Variants in XKR6 observed in about 807,000 individuals in gnomAD.
XKR6 encodes XK related 6.
XKR6 carries 22 observed loss-of-function variants against 56.7 expected under a neutral mutation model. That is an observed-to-expected ratio of 0.39 (90% CI 0.28 to 0.55). The LOEUF (loss-of-function observed/expected upper bound fraction) is 0.55, where lower values mean the gene tolerates loss of function less well. Among genes scored for constraint, XKR6 ranks in the 20% least tolerant of loss-of-function variants. The pLI is 0.66. For missense variants in XKR6, 852 were observed against 889.0 expected, an observed-to-expected ratio of 0.96 and a Z score of 0.53; for synonymous variants, 524 against 387.8, an observed-to-expected ratio of 1.35 and a Z score of -4.13.
At chr8:11,103,653 T>G (rs1315266365) in intron 1 of XKR6, among the ~76,000 whole-genome samples, 1 of 152,194 alleles carries the variant, frequency 6.6e-6, no homozygotes, top group Non-Finnish European at 1.5e-5. Flanking sequence ...GGAGAACTTC[T>G]GAGATACTAT....
Position 11,114,727 on chromosome 8 carries a change from ATGTGTGTGTGTGTGTGTGTGTG to A in XKR6, c.764+85827_764+85848del, listed in dbSNP as rs58011023. Among the ~76,000 whole-genome samples the A allele has an allele frequency of 6.8e-5, 8 of 118,490 alleles. No homozygotes were observed. The East Asian group carries it at 1.1e-3, about 16-fold the overall frequency. The allele number at this position is 118,490 out of a possible 152,430, so 77.7% of individuals were successfully genotyped here. On this transcript the variant is annotated intron_variant, in intron 1 of 2. Transcript: ENST00000416569. ...ATGAAGTCAGCTACTTAGATCACAT[ATGTGTGTGTGTGTGTGTGTGTG>A]TGTGTGTGTGTGTGTGTGTGTGTGT...
At chr8:11,100,920 T>G (rs113087787) in intron 1 of XKR6, among the ~76,000 whole-genome samples, 171 of 152,314 alleles carry the variant, frequency 1.1e-3, no homozygotes, top group South Asian at 4.8e-3. Context: ...GGGCATGCAC[T>G]TTATGGGCAG....
At chr8:11,032,582 G>A (rs571828196) in intron 1 of XKR6, among the ~76,000 whole-genome samples, 3 of 152,188 alleles carry the variant, frequency 2.0e-5, no homozygotes, top group Admixed American at 6.5e-5. Context: ...CACAAGGCAG[G>A]GCTGTAATAG....
At chr8:11,191,321 T>C (rs1803561646) in intron 1 of XKR6, among the ~76,000 whole-genome samples, 1 of 152,072 alleles carries the variant, frequency 6.6e-6, no homozygotes, top group Non-Finnish European at 1.5e-5. Context: ...ACTAAAACCA[T>C]AAGGTAAACG....
chr8:11,113,903 C>G (rs1466116259), intron 1 of XKR6: 1 of 235,562 alleles, frequency 4.2e-6, no homozygotes, highest in African/African-American at 2.3e-5. Context: ...TGTTTTTAAT[C>G]TTGAAGAGGA....
At chr8:10,939,029 C>G (rs538881798) in intron 1 of XKR6, among the ~76,000 whole-genome samples, 1 of 152,332 alleles carries the variant, frequency 6.6e-6, no homozygotes, top group Admixed American at 6.5e-5. Flanking sequence ...TCCCCGAACA[C>G]TATCTGCAAG....
intron 1 of XKR6, among the ~76,000 whole-genome samples, chr8:10,999,734 C>T (rs1798196677): frequency 6.6e-6 from 1 of 152,110 alleles, no homozygotes; most frequent in African/African-American, 2.4e-5. Flanking sequence ...AAGGAGGTAG[C>T]ATAAAAAGAA....
chr8:10,925,544 G>A (rs1042812044), intron 1 of XKR6, among the ~76,000 whole-genome samples: 2 of 152,172 alleles, frequency 1.3e-5, no homozygotes, highest in African/African-American at 2.4e-5. Flanking sequence ...TCCGCTGCCC[G>A]CCCTCTCAGG....
At chr8:10,944,938 G>A (rs1586336671) in intron 1 of XKR6, among the ~76,000 whole-genome samples, 1 of 152,338 alleles carries the variant, frequency 6.6e-6, no homozygotes, top group East Asian at 1.9e-4. Flanking sequence ...CAGGGTCCCA[G>A]GGGACATGGC....
chr8:11,191,419 T>G (rs1332151400), intron 1 of XKR6, among the ~76,000 whole-genome samples: 2 of 152,186 alleles, frequency 1.3e-5, no homozygotes, highest in Non-Finnish European at 2.9e-5. Context: ...TACCTTTATA[T>G]AAAGAAATCT....
chr8:11,033,414 G>T (rs1304944012), intron 1 of XKR6, among the ~76,000 whole-genome samples: 1 of 151,694 alleles, frequency 6.6e-6, no homozygotes, highest in Non-Finnish European at 1.5e-5. Flanking sequence ...TGATGGTGAT[G>T]ATGATGATGA....
At chr8:10,952,862 G>A (rs536616501) in intron 1 of XKR6, among the ~76,000 whole-genome samples, 1 of 152,196 alleles carries the variant, frequency 6.6e-6, no homozygotes, top group East Asian at 1.9e-4. Context: ...CAGGAGGTGA[G>A]TGGCAGGCGA....
chr8:10,952,064 C>G (rs1406980928), intron 1 of XKR6, among the ~76,000 whole-genome samples: 1 of 152,146 alleles, frequency 6.6e-6, no homozygotes, highest in Non-Finnish European at 1.5e-5. Context: ...AGGGCACATG[C>G]AGCACAGGTC....
intron 1 of XKR6, among the ~76,000 whole-genome samples, chr8:11,026,521 G>A (rs1437399886): frequency 6.7e-6 from 1 of 149,850 alleles, no homozygotes; most frequent in Non-Finnish European, 1.5e-5. Flanking sequence ...CACTTAGATG[G>A]TCTAGCCTAC....
intron 1 of XKR6, among the ~76,000 whole-genome samples, chr8:10,974,067 A>C (rs1802483207): frequency 6.6e-6 from 1 of 152,180 alleles, no homozygotes. Flanking sequence ...GCTAGTTCAA[A>C]TATGTATTTT....
intron 1 of XKR6, among the ~76,000 whole-genome samples, chr8:10,959,102 C>T (rs903344698): frequency 1.3e-5 from 2 of 152,148 alleles, no homozygotes; most frequent in Admixed American, 6.5e-5. Context: ...GGTGTTGGCT[C>T]GCTTTGGGGG....
chr8:10,984,730 C>A (rs58932491), intron 1 of XKR6, among the ~76,000 whole-genome samples: 8,470 of 62,332 alleles, frequency 0.14, 474 homozygotes, highest in African/African-American at 0.19. Context: ...CTCTCTCTCT[C>A]TCTATATATA....
chr8:11,017,593 C>T (rs1174280662), intron 1 of XKR6, among the ~76,000 whole-genome samples: 1 of 152,246 alleles, frequency 6.6e-6, no homozygotes, highest in Non-Finnish European at 1.5e-5. Flanking sequence ...CCTGGGCCTG[C>T]TCGAGAGGGG....
chr8:11,086,321 G>A (rs910621140), intron 1 of XKR6, among the ~76,000 whole-genome samples: 1 of 152,050 alleles, frequency 6.6e-6, no homozygotes, highest in Admixed American at 6.6e-5. Flanking sequence ...AGGACATTCT[G>A]GATATTAAAG....
Sources: allele counts gnomAD v4.1 joint callset (sites outside exome capture counted in the v4.1 genomes callset), GRCh38; gene constraint gnomAD v4.1.1; transcripts MANE v1.5; gene names NCBI Gene and HGNC (gene_info 2026-07-23, HGNC 2026-07-21).